CAPN8: variants seen among roughly 807,000 people sequenced by gnomAD.
CAPN8 encodes calpain-8.
CAPN8 carries 87 observed loss-of-function variants against 80.9 expected under a neutral mutation model. The ratio of observed to expected loss-of-function variants is 1.07; its 90% CI spans 0.90 to 1.28. CAPN8 has a LOEUF of 1.28. Among genes scored for constraint, CAPN8 ranks in the 50% most tolerant of loss-of-function variants. The pLI is 0.00. For synonymous variants in CAPN8, 299 were observed against 273.8 expected, an observed-to-expected ratio of 1.09 and a Z score of -0.91; for missense variants, 757 against 702.0, an observed-to-expected ratio of 1.08 and a Z score of -0.89.
chr1:223,634,763 T>C (rs190973470), intron 2 of CAPN8, among the ~76,000 whole-genome samples: 75 of 152,316 alleles, frequency 4.9e-4, no homozygotes, highest in African/African-American at 1.7e-3. Flanking sequence ...GATGAGGGCT[T>C]TGTTCTCATG....
At position 223,609,185 on chromosome 1, in the gene CAPN8, C is replaced by G. The variant is rs1656972163; in HGVS notation, c.1503G>C (p.Leu501Phe). The G allele has an allele frequency of 2.5e-6, 1 of 398,276 alleles. No individual in the cohort carries two copies. The highest frequency in any genetic ancestry group is 3.6e-5 in the East Asian group (1 of 28,006). The allele number at this position is 398,276 out of a possible 1,614,324, so 24.7% of individuals were successfully genotyped here. The change falls in exon 12 of 21, where the codon TTG becomes TTC. Residue 501 changes from leucine (L) to phenylalanine (F), a missense_variant. Transcript: ENST00000366872. Reference sequence around the variant, plus strand: ...GGGCCTTCTTCTCTGAGAACACTCTCAAGCAGAACTCGCCGTCTTTGAAGG... The same window carrying G: ...GGGCCTTCTTCTCTGAGAACACTCTGAAGCAGAACTCGCCGTCTTTGAAGG... Reference protein sequence around the residue: ...FEPFKDGEFCLRVFSEKKAQA... With the variant: ...FEPFKDGEFCFRVFSEKKAQA...
chr1:223,649,712 T>C (rs1003078834), intron 2 of CAPN8, among the ~76,000 whole-genome samples: 6 of 152,176 alleles, frequency 3.9e-5, no homozygotes, highest in African/African-American at 1.4e-4. Flanking sequence ...ACAAAAAGGC[T>C]TGGATTTAGG....
chr1:223,552,479 G>A (rs923429480), intron 14 of CAPN8, among the ~76,000 whole-genome samples: 6 of 147,274 alleles, frequency 4.1e-5, no homozygotes, highest in East Asian at 2.0e-4. Flanking sequence ...CACGAGAATC[G>A]CTTGAACCCG....
intron 10 of CAPN8, among the ~76,000 whole-genome samples, chr1:223,615,531 A>G (rs897751159): frequency 3.3e-5 from 5 of 152,146 alleles, no homozygotes; most frequent in Admixed American, 3.3e-4. Context: ...GTGTGCTCCA[A>G]GTGTCTCAAG....
In CAPN8 at chr1:223,622,779, G is replaced by A. The variant is rs565232104; in HGVS notation, c.899+36C>T. ...TTTACACGACACCCTTCCGCAGAGG[G>A]AGAGATGACTGGAGAAGCGGGGGAA... On this transcript the variant is annotated intron_variant, in intron 7 of 20. Transcript: ENST00000366872. The A allele has an allele frequency of 4.3e-5, 64 of 1,491,346 alleles. No homozygotes were observed. In the South Asian group the frequency reaches 7.0e-4, roughly 16 times the overall value. 92.4% of individuals were successfully genotyped at this position (1,491,346 alleles called of 1,614,324 possible). A position where few individuals can be genotyped will look rare whatever the true frequency, so the allele number is the denominator to read the frequency against.
chr1:223,555,466 A>G (rs1268542796), intron 13 of CAPN8, among the ~76,000 whole-genome samples: 2 of 152,242 alleles, frequency 1.3e-5, no homozygotes, highest in Non-Finnish European at 2.9e-5. Context: ...TAATCTAAAA[A>G]TACATCTAGA....
chr1:223,547,208 C>A (rs34005690), intron 16 of CAPN8, among the ~76,000 whole-genome samples: 63,312 of 151,914 alleles, frequency 0.42, 13,427 homozygotes, highest in African/African-American at 0.49. Flanking sequence ...CCCTGCGCCC[C>A]GTCAATTTTT....
chr1:223,553,528 A>G (rs1470166343), intron 14 of CAPN8, among the ~76,000 whole-genome samples: 38 of 152,180 alleles, frequency 2.5e-4, no homozygotes, highest in Admixed American at 2.4e-3. Flanking sequence ...AGAGACCCCA[A>G]TCTGACAGGG....
intron 2 of CAPN8, among the ~76,000 whole-genome samples, chr1:223,635,115 T>C (rs1027415167): frequency 1.3e-5 from 2 of 152,206 alleles, no homozygotes; most frequent in African/African-American, 4.8e-5. Flanking sequence ...TATATGCTTG[T>C]TTTTTAAAAA....
intron 1 of CAPN8, among the ~76,000 whole-genome samples, chr1:223,658,336 A>C (rs1658552744): frequency 1.3e-5 from 2 of 152,226 alleles, no homozygotes; most frequent in Non-Finnish European, 2.9e-5. Context: ...GACAATTACA[A>C]GTGAAATATA....
chr1:223,622,767 C>T (rs1286912259), intron 7 of CAPN8, 48 bp downstream of exon 7: 17 of 1,426,288 alleles, frequency 1.2e-5, no homozygotes, highest in Non-Finnish European at 7.7e-6. Flanking sequence ...ACACGACACC[C>T]TTCCGCAGAG....
At chr1:223,614,308 G>T (rs777962890) in intron 10 of CAPN8, among the ~76,000 whole-genome samples, 1 of 151,926 alleles carries the variant, frequency 6.6e-6, no homozygotes, top group Non-Finnish European at 1.5e-5. Context: ...GCTGAGGCAG[G>T]AGAATTGCTT....
intron 10 of CAPN8, among the ~76,000 whole-genome samples, chr1:223,614,612 C>T (rs1657118858): frequency 6.6e-6 from 1 of 152,146 alleles, no homozygotes; most frequent in Non-Finnish European, 1.5e-5. Flanking sequence ...TGAACCCAGC[C>T]CATTGTGTCA....
chr1:223,646,673 C>T (rs989298841), intron 2 of CAPN8, among the ~76,000 whole-genome samples: 12 of 152,136 alleles, frequency 7.9e-5, no homozygotes, highest in South Asian at 2.1e-4. Flanking sequence ...ATGGCTGAGG[C>T]GGGACAGCAG....
chr1:223,665,534 TGTTGCCTCAG>T lies in CAPN8; in HGVS notation c.103_112del (p.Leu35SerfsTer65). 6.4e-7 allele frequency: 1 copy of T among 1,551,746 alleles called. No homozygotes were observed. Among genetic ancestry groups the T allele is most frequent in the Non-Finnish European group, 8.7e-7 (1 of 1,147,004 alleles). The stretch of plus-strand genomic sequence containing the variant: ...AAATAGGACCCCTGAGTCCAAGCAC[TGTTGCCTCAG>T]GGTCTTGAAATCCTGGCCCAAGTAC... On this transcript the variant is annotated frameshift_variant, in exon 1 of 21. Transcript: ENST00000366872. LOFTEE classifies it high-confidence loss of function.
At chr1:223,639,428 C>A (rs996207129) in intron 2 of CAPN8, among the ~76,000 whole-genome samples, 5 of 152,178 alleles carry the variant, frequency 3.3e-5, no homozygotes, top group African/African-American at 1.2e-4. Flanking sequence ...CTGTTACAAT[C>A]ATTTTAATCG....
intron 4 of CAPN8, 128 bp downstream of exon 4, chr1:223,627,881 G>T: frequency 9.1e-7 from 1 of 1,096,738 alleles, no homozygotes. Context: ...CCGGCTCATG[G>T]GGGTCTGGAT....
chr1:223,553,761 G>T, intron 14 of CAPN8, 71 bp downstream of exon 14: 1 of 398,478 alleles, frequency 2.5e-6, no homozygotes, highest in East Asian at 3.6e-5. Flanking sequence ...AGGGAGTAAA[G>T]AATGAAGTGA....
intron 2 of CAPN8, among the ~76,000 whole-genome samples, chr1:223,643,341 G>C (rs1658094739): frequency 6.6e-6 from 1 of 152,168 alleles, no homozygotes; most frequent in Admixed American, 6.5e-5. Flanking sequence ...AATATACATA[G>C]ATCTTTAAAG....
Sources: allele counts gnomAD v4.1 joint callset (sites outside exome capture counted in the v4.1 genomes callset), GRCh38; gene constraint gnomAD v4.1.1; transcripts MANE v1.5; gene names NCBI Gene and HGNC (gene_info 2026-07-23, HGNC 2026-07-21).